Variants in VPS13A observed in about 807,000 individuals in gnomAD.
VPS13A encodes the protein vacuolar protein sorting 13 homolog A.
Under a neutral mutation model 390.9 loss-of-function variants are expected in VPS13A, and 264 were observed. The ratio of observed to expected loss-of-function variants is 0.68; its 90% confidence interval spans 0.61 to 0.75. The LOEUF is 0.75. Ranked by LOEUF, VPS13A falls within the 30% of genes least tolerant of loss-of-function variation. The pLI, the probability that VPS13A is intolerant of heterozygous loss-of-function variation, is 0.00. For synonymous variants in VPS13A, 1,231 were observed against 1,227.1 expected (o/e 1.00, Z -0.07); for missense variants, 3,409 against 3,733.9 (o/e 0.91, Z 2.27).
intron 19 of VPS13A, among the ~76,000 whole-genome samples, chr9:77,243,597 G>T (rs1181667853): frequency 6.6e-6 from 1 of 152,106 alleles, no homozygotes; most frequent in Non-Finnish European, 1.5e-5. Flanking sequence ...AGAGTACAAG[G>T]TTCTCTGATA....
Position 77,220,389 on chromosome 9 carries a change from T to G in VPS13A, c.989+6T>G, listed in dbSNP as rs529631387. The G allele has an allele frequency of 6.4e-7, 1 of 1,573,260 alleles. No homozygotes were observed. The highest frequency in any genetic ancestry group is 1.2e-5 in the South Asian group (1 of 85,602). On this transcript the variant is annotated splice_donor_region_variant and intron_variant, in intron 12 of 71. Transcript: ENST00000360280. ...CACCACCATGCCAGAGAATGGTAAA[T>G]GCCTTGATTTTTTTTTTTTTTTAGA...
At chr9:77,257,312 G>A (rs927958040) in intron 22 of VPS13A, among the ~76,000 whole-genome samples, 1 of 152,090 alleles carries the variant, frequency 6.6e-6, no homozygotes, top group African/African-American at 2.4e-5. Context: ...GTAGCTCACT[G>A]CAGCATTGAA....
At position 77,226,639 on chromosome 9, in the gene VPS13A, G is replaced by A. The variant is rs1823534366; in HGVS notation, c.1357+41G>A. 2.5e-6 allele frequency: 4 copies of A among 1,590,578 alleles called. No individual in the cohort carries two copies. The South Asian group carries it at 3.5e-5, about 14-fold the overall frequency. On this transcript the variant is annotated intron_variant, in intron 15 of 71. Coordinates refer to ENST00000360280, the MANE Select transcript of VPS13A (RefSeq NM_033305.3). ...TTTACAGCATAGTTAATCACTGGGT[G>A]TCAAAATAAAGTTTTGCCATTTTTT... is the stretch of plus-strand genomic sequence containing the variant.
chr9:77,211,996 T>C (rs1431138967), intron 7 of VPS13A, among the ~76,000 whole-genome samples: 1 of 152,152 alleles, frequency 6.6e-6, no homozygotes, highest in Non-Finnish European at 1.5e-5. Flanking sequence ...GTGCCCCTGA[T>C]GGAAAAGTTA....
intron 24 of VPS13A, among the ~76,000 whole-genome samples, chr9:77,274,130 C>T (rs1263632357): frequency 1.3e-5 from 2 of 151,996 alleles, no homozygotes; most frequent in Non-Finnish European, 2.9e-5. Flanking sequence ...TAAAGTTGAA[C>T]AGAAAATGAC....
intron 52 of VPS13A, chr9:77,351,090 C>A: frequency 4.6e-6 from 2 of 437,140 alleles, no homozygotes; most frequent in Non-Finnish European, 8.2e-6. Flanking sequence ...GACTTGAAGA[C>A]CTTTATTTCC....
intron 31 of VPS13A, among the ~76,000 whole-genome samples, chr9:77,287,521 A>G (rs1450925727): frequency 6.6e-6 from 1 of 152,206 alleles, no homozygotes; most frequent in Non-Finnish European, 1.5e-5. Flanking sequence ...ATAGTCAGCA[A>G]AAGATAAAAA....
intron 53 of VPS13A, among the ~76,000 whole-genome samples, chr9:77,351,698 G>A (rs901759905): frequency 9.9e-5 from 15 of 152,168 alleles, no homozygotes; most frequent in Middle Eastern, 3.4e-3. Flanking sequence ...GTGAAACTCC[G>A]TCTCTACTAA....
chr9:77,329,648 G>T (rs1179036051), intron 45 of VPS13A, among the ~76,000 whole-genome samples: 1 of 152,162 alleles, frequency 6.6e-6, no homozygotes, highest in Non-Finnish European at 1.5e-5. Flanking sequence ...TGACAGTGAG[G>T]CACTTAGTGA....
chr9:77,301,931 T>C (rs1229180547), intron 33 of VPS13A, among the ~76,000 whole-genome samples: 1 of 151,944 alleles, frequency 6.6e-6, no homozygotes, highest in African/African-American at 2.4e-5. Flanking sequence ...TCTTATATAA[T>C]GTTTGTTTAC....
chr9:77,388,729 TAGTC>T (rs1414048132), intron 68 of VPS13A, among the ~76,000 whole-genome samples: 2 of 152,190 alleles, frequency 1.3e-5, no homozygotes, highest in Non-Finnish European at 2.9e-5. Flanking sequence ...GCAACCAGGA[TAGTC>T]AGAGATTTAG....
rs1279941467 is a variant in VPS13A, at chr9:77,315,414, A to G, written c.4574A>G (p.Tyr1525Cys). Residue 1525 changes from tyrosine to cysteine, a missense_variant, in exon 38 of 72, where the codon TAC (tyrosine) becomes TGC (cysteine). By Grantham distance (194) the Tyr-to-Cys change is radical. Transcript: ENST00000360280. The part of the protein sequence containing the change: ...QTVANVFLEA[Y>C]TTGTAVETSV... ...GTTGCAAATGTCTTTCTTGAGGCCT[A>G]CACCACAGGCACTGCTGTAGAAACC... 1.9e-6 allele frequency: 3 copies of G among 1,613,868 alleles called. No homozygotes were observed. Among genetic ancestry groups the G allele is most frequent in the African/African-American group, 1.3e-5 (1 of 74,930 alleles).
chr9:77,277,680 C>T (rs1791493537), intron 26 of VPS13A, among the ~76,000 whole-genome samples: 1 of 152,170 alleles, frequency 6.6e-6, no homozygotes, highest in South Asian at 2.1e-4. Flanking sequence ...ATATCCTTTT[C>T]AGATTGGCTT....
At chr9:77,225,243 A>G (rs1283418089) in intron 13 of VPS13A, among the ~76,000 whole-genome samples, 2 of 152,272 alleles carry the variant, frequency 1.3e-5, no homozygotes, top group South Asian at 2.1e-4. Flanking sequence ...CTGTACACAT[A>G]ATATGAAGGA....
At chr9:77,281,444 A>AT (rs943597647) in intron 27 of VPS13A, among the ~76,000 whole-genome samples, 1 of 152,142 alleles carries the variant, frequency 6.6e-6, no homozygotes, top group African/African-American at 2.4e-5. Flanking sequence ...AAAATATTAA[A>AT]TTTTTTAAAA....
intron 1 of VPS13A, among the ~76,000 whole-genome samples, chr9:77,190,080 T>C (rs1429824966): frequency 6.6e-6 from 1 of 152,194 alleles, no homozygotes; most frequent in Non-Finnish European, 1.5e-5. Context: ...CCTATTTGGA[T>C]GTCTTTTATT....
chr9:77,307,997 A>G lies in VPS13A; in HGVS notation c.4013A>G (p.Asn1338Ser), dbSNP rs1828864931. 6.2e-7 allele frequency: 1 copy of G among 1,605,818 alleles called. No individual in the cohort carries two copies. Among genetic ancestry groups the G allele is most frequent in the Non-Finnish European group, 8.5e-7 (1 of 1,172,506 alleles). ...ITTIFKTLHG[N>S]IWYEKDGSAS... Reference sequence around the variant, plus strand: ...ACTATTTTTAAAACATTGCATGGCAATATATGGTATGAAAAAGATGGTAGT... The same window carrying G: ...ACTATTTTTAAAACATTGCATGGCAGTATATGGTATGAAAAAGATGGTAGT... The change falls in exon 35 of 72, where the codon AAT becomes AGT. Residue 1338 changes from asparagine to serine, a missense_variant. Asn to Ser is a conservative substitution (Grantham distance 46). This residue lies in a region of VPS13A where 2,717 missense variants were observed against 2,917.4 expected (regional missense o/e 0.93). Transcript: ENST00000360280.
intron 3 of VPS13A, among the ~76,000 whole-genome samples, chr9:77,203,539 C>T (rs184371789): frequency 6.6e-6 from 1 of 152,198 alleles, no homozygotes. Flanking sequence ...CCTCCTACCA[C>T]AGCCACCCAA....
At position 77,353,478 on chromosome 9, in the gene VPS13A, C is replaced by T. The variant is rs762732340; in HGVS notation, c.7489C>T (p.Arg2497Cys). 28 of 1,608,794 alleles carry T rather than the reference C, an allele frequency of 1.7e-5. No individual in the cohort carries two copies. The highest frequency in any genetic ancestry group is 3.4e-5 in the Admixed American group (2 of 59,494). The change falls in exon 54 of 72, where the codon CGC (arginine) becomes TGC (cysteine). Residue 2497 changes from arginine to cysteine, a missense_variant. This residue lies in a region of VPS13A where 221 missense variants were observed against 300.7 expected (regional missense o/e 0.73). Transcript: ENST00000360280. Reference protein sequence around the residue: ...YLVSFFEGLQRIILFTEDPRV... With the variant: ...YLVSFFEGLQCIILFTEDPRV... ...AGTTTCATTCTTTGAAGGTTTACAA[C>T]GCATTATTTTATTCACTGAAGATCC...
Sources: gnomAD v4.1 joint callset for allele counts (sites outside exome capture counted in the v4.1 genomes callset) on GRCh38, gnomAD v4.1.1 for gene constraint, gnomAD v4.1.1 regional missense constraint, MANE v1.5 for transcripts, NCBI Gene and HGNC (gene_info 2026-07-23, HGNC 2026-07-21) for gene names.